DPY19L3: variants seen among roughly 807,000 people sequenced by gnomAD.
DPY19L3 encodes the protein protein C-mannosyl-transferase DPY19L3.
A neutral mutation model predicts 92.3 loss-of-function variants in DPY19L3; 51 were observed. The ratio of observed to expected loss-of-function variants is 0.55; its 90% CI spans 0.44 to 0.70. The LOEUF (loss-of-function observed/expected upper bound fraction) is 0.70. DPY19L3 is among the 30% of genes least tolerant of loss of function. DPY19L3 has a pLI of 0.00. For synonymous variants in DPY19L3, 309 were observed against 315.2 expected, an observed-to-expected ratio of 0.98 and a Z score of 0.21; for missense variants, 706 against 855.9, an observed-to-expected ratio of 0.82 and a Z score of 2.18.
chr19:32,449,436 T>A (rs1969626241), intron 8 of DPY19L3, among the ~76,000 whole-genome samples: 1 of 152,104 alleles, frequency 6.6e-6, no homozygotes, highest in Non-Finnish European at 1.5e-5. Context: ...GAAATTCATA[T>A]GGAAACTCAG....
chr19:32,448,553 T>C (rs749493504), intron 8 of DPY19L3, among the ~76,000 whole-genome samples: 4 of 152,166 alleles, frequency 2.6e-5, no homozygotes, highest in African/African-American at 7.2e-5. Context: ...TATATTCTTA[T>C]TATAAAGTAA....
At chr19:32,423,795 G>A (rs1044736839) in intron 3 of DPY19L3, among the ~76,000 whole-genome samples, 4 of 151,942 alleles carry the variant, frequency 2.6e-5, no homozygotes, top group Non-Finnish European at 5.9e-5. Flanking sequence ...CGGCAGGATC[G>A]CTTGAGCTCA....
At chr19:32,428,434 ACTT>A (rs1968842524) in intron 3 of DPY19L3, among the ~76,000 whole-genome samples, 1 of 152,118 alleles carries the variant, frequency 6.6e-6, no homozygotes, top group East Asian at 1.9e-4. Flanking sequence ...ATTGTACTCA[ACTT>A]CTAGTACATC....
At chr19:32,407,273 C>CGCA (rs754062545) in intron 1 of DPY19L3, among the ~76,000 whole-genome samples, 3 of 100,362 alleles carry the variant, frequency 3.0e-5, no homozygotes, top group African/African-American at 1.2e-4. Context: ...CTCCCCCCCA[C>CGCA]CCATTACTCC....
intron 15 of DPY19L3, chr19:32,468,195 A>G (rs1970252961): frequency 1.1e-6 from 1 of 921,270 alleles, no homozygotes; most frequent in African/African-American, 1.8e-5. Flanking sequence ...TAAATGAAAA[A>G]TAAATCCCAG....
intron 3 of DPY19L3, among the ~76,000 whole-genome samples, chr19:32,430,579 C>A (rs1428134982): frequency 3.3e-5 from 5 of 152,000 alleles, no homozygotes; most frequent in Non-Finnish European, 7.4e-5. Flanking sequence ...TAAATAATTT[C>A]TAAGTCTGAA....
intron 3 of DPY19L3, among the ~76,000 whole-genome samples, chr19:32,428,223 C>T (rs1049036226): frequency 2.0e-5 from 3 of 152,150 alleles, no homozygotes; most frequent in East Asian, 3.9e-4. Flanking sequence ...CTGCCCACCT[C>T]GGCTTCCCAA....
At chr19:32,468,842 T>G in intron 16 of DPY19L3, 29 bp downstream of exon 16, 1 of 1,606,386 alleles carries the variant, frequency 6.2e-7, no homozygotes, top group Non-Finnish European at 8.5e-7. Flanking sequence ...ACTTTTAAAA[T>G]TTTAAGTGCC....
Position 32,464,722 on chromosome 19 carries a change from A to G in DPY19L3, c.1558-6A>G, listed in dbSNP as rs1295981521. Reference sequence around the variant, plus strand: ...TTATAATCTAAATAATGTCTTTCTTATATAGATATGTATAATGCGATATTC... The same window carrying G: ...TTATAATCTAAATAATGTCTTTCTTGTATAGATATGTATAATGCGATATTC... On this transcript the variant is annotated splice_region_variant and splice_polypyrimidine_tract_variant and intron_variant, in intron 14 of 18. Coordinates refer to ENST00000392250, the MANE Select transcript of DPY19L3 (RefSeq NM_001172774.2). 7.0e-6 allele frequency: 10 copies of G among 1,432,632 alleles called. No individual in the cohort carries two copies. The highest frequency in any genetic ancestry group is 1.5e-5 in the African/African-American group (1 of 68,490). 88.7% of individuals were successfully genotyped at this position (1,432,632 alleles called of 1,614,324 possible).
intron 8 of DPY19L3, among the ~76,000 whole-genome samples, chr19:32,452,513 T>C (rs1437760743): frequency 6.6e-6 from 1 of 152,226 alleles, no homozygotes. Flanking sequence ...CTGAAATCAT[T>C]GAAAAGAAAA....
At chr19:32,431,789 G>C (rs1204134372) in intron 3 of DPY19L3, among the ~76,000 whole-genome samples, 1 of 152,152 alleles carries the variant, frequency 6.6e-6, no homozygotes, top group Non-Finnish European at 1.5e-5. Context: ...GACAGTCTAT[G>C]GTTATTTGGC....
In DPY19L3 at chr19:32,439,902, G is replaced by A. The variant is rs139732410; in HGVS notation, c.847G>A (p.Ala283Thr). 551 of 1,612,700 alleles carry A rather than the reference G, an allele frequency of 3.4e-4. 1 individual carries two copies. The African/African-American group carries it at 6.6e-3, about 19-fold the overall frequency. Residue 283 changes from alanine to threonine, a missense_variant, in exon 8 of 19, where the codon GCA (alanine) becomes ACA (threonine). Coordinates refer to ENST00000392250, the MANE Select transcript of DPY19L3 (RefSeq NM_001172774.2). Reference sequence around the variant, plus strand: ...ACTGGACTCCCTGGACATGCTGCCAGCAGTGAAGGTGAGCTTTGCTTTCTT... The same window carrying A: ...ACTGGACTCCCTGGACATGCTGCCAACAGTGAAGGTGAGCTTTGCTTTCTT... The part of the protein sequence containing the change: ...FTLDSLDMLP[A>T]VKATWLYGIQ...
intron 10 of DPY19L3, 44 bp downstream of exon 10, chr19:32,455,084 TTA>T: frequency 8.2e-7 from 1 of 1,220,526 alleles, no homozygotes; most frequent in Non-Finnish European, 1.1e-6. Flanking sequence ...TTTAATTAAC[TTA>T]TGGCATTGGA....
intron 17 of DPY19L3, among the ~76,000 whole-genome samples, chr19:32,478,343 T>G (rs1970575133): frequency 6.6e-6 from 1 of 152,152 alleles, no homozygotes; most frequent in African/African-American, 2.4e-5. Context: ...AAGAGCGCAT[T>G]TGGGAGCAAA....
intron 3 of DPY19L3, among the ~76,000 whole-genome samples, chr19:32,431,376 CA>C (rs56168092): frequency 0.017 from 2,392 of 144,860 alleles, 55 homozygotes; most frequent in African/African-American, 0.051. Context: ...AACTCCGTCT[CA>C]AAAAAAAAAA....
intron 10 of DPY19L3, among the ~76,000 whole-genome samples, chr19:32,457,403 A>G (rs1272360353): frequency 1.3e-5 from 2 of 152,216 alleles, no homozygotes; most frequent in Non-Finnish European, 2.9e-5. Flanking sequence ...GCTGGAATGC[A>G]AAAGACCAGA....
chr19:32,439,214 A>G lies in DPY19L3; in HGVS notation c.699A>G (p.Pro233=). Residue 233 remains proline, a synonymous_variant, in exon 7 of 19, where the codon CCA becomes CCG. Coordinates refer to ENST00000392250, the MANE Select transcript of DPY19L3 (RefSeq NM_001172774.2). The part of the protein sequence containing the change: ...QIAAITYFLR[P]NLQPLSERLT... ...CAGCAATTACATATTTCCTGAGACC[A>G]AACTTACAGCCTCTTTCTGAAGTAA... 6.2e-7 allele frequency: 1 copy of G among 1,613,446 alleles called. No individual in the cohort carries two copies. Among genetic ancestry groups the G allele is most frequent in the Non-Finnish European group, 8.5e-7 (1 of 1,179,626 alleles).
chr19:32,471,352 C>T (rs971130367), intron 16 of DPY19L3, among the ~76,000 whole-genome samples: 1 of 152,234 alleles, frequency 6.6e-6, no homozygotes, highest in Non-Finnish European at 1.5e-5. Context: ...TCAAAGCAGA[C>T]ACACTCAAAT....
At chr19:32,447,720 CATAGATAG>C (rs56116714) in intron 8 of DPY19L3, among the ~76,000 whole-genome samples, 22,449 of 131,484 alleles carry the variant, frequency 0.17, 1,867 homozygotes, top group Admixed American at 0.2. Flanking sequence ...CCGTCTCATT[CATAGATAG>C]ATAGATAGAT....
Sources: allele counts gnomAD v4.1 joint callset (sites outside exome capture counted in the v4.1 genomes callset), GRCh38; gene constraint gnomAD v4.1.1; transcripts MANE v1.5; gene names NCBI Gene and HGNC (gene_info 2026-07-23, HGNC 2026-07-21).